Variants in IPPK observed in about 807,000 individuals in gnomAD.
The protein encoded by IPPK is inositol-pentakisphosphate 2-kinase.
IPPK carries 22 observed loss-of-function variants against 64.6 expected under a neutral mutation model. The ratio of observed to expected loss-of-function variants is 0.34; its 90% CI spans 0.24 to 0.49. IPPK has a LOEUF of 0.49. IPPK is among the 20% of genes least tolerant of loss of function. The probability of loss-of-function intolerance (pLI) is 0.99; values close to 1 mark genes in which losing one functional copy is unlikely to be tolerated. For synonymous variants in IPPK, 262 were observed against 247.2 expected, an observed-to-expected ratio of 1.06 and a Z score of -0.56; for missense variants, 532 against 630.7, an observed-to-expected ratio of 0.84 and a Z score of 1.68.
At chr9:92,629,359 C>T (rs1419973350) in intron 11 of IPPK, among the ~76,000 whole-genome samples, 1 of 151,928 alleles carries the variant, frequency 6.6e-6, no homozygotes, top group Non-Finnish European at 1.5e-5. Context: ...AAAAGGCAAC[C>T]AACAGAATAG....
intron 6 of IPPK, among the ~76,000 whole-genome samples, chr9:92,644,896 T>A (rs1310612222): frequency 6.6e-6 from 1 of 152,030 alleles, no homozygotes; most frequent in Non-Finnish European, 1.5e-5. Context: ...GTATTGCCCA[T>A]ATACAACAAA....
At chr9:92,661,146 A>T (rs1327828282) in intron 1 of IPPK, among the ~76,000 whole-genome samples, 3 of 152,214 alleles carry the variant, frequency 2.0e-5, no homozygotes, top group Non-Finnish European at 4.4e-5. Flanking sequence ...TCTCCCTCCA[A>T]GATGGGCAAC....
At chr9:92,667,995 C>T (rs778926987) in intron 1 of IPPK, among the ~76,000 whole-genome samples, 11 of 151,098 alleles carry the variant, frequency 7.3e-5, no homozygotes, top group East Asian at 2.0e-4. Context: ...ATCAACCTGG[C>T]GTGGTGGCTC....
chr9:92,668,630 A>C (rs1852653640), intron 1 of IPPK, among the ~76,000 whole-genome samples: 1 of 152,258 alleles, frequency 6.6e-6, no homozygotes, highest in South Asian at 2.1e-4. Flanking sequence ...GGATCAGCAC[A>C]GTAACCCAAC....
intron 1 of IPPK, among the ~76,000 whole-genome samples, chr9:92,662,908 C>T (rs989372240): frequency 6.6e-6 from 1 of 152,182 alleles, no homozygotes; most frequent in South Asian, 2.1e-4. Flanking sequence ...CGATCTGCAA[C>T]GTGTGCCAAG....
At chr9:92,633,212 C>G (rs989409568) in intron 11 of IPPK, among the ~76,000 whole-genome samples, 1 of 152,046 alleles carries the variant, frequency 6.6e-6, no homozygotes, top group African/African-American at 2.4e-5. Context: ...GGGGTTTGAC[C>G]ATGTTAGCCA....
chr9:92,650,432 T>C (rs540024027), intron 4 of IPPK, among the ~76,000 whole-genome samples: 26 of 152,178 alleles, frequency 1.7e-4, no homozygotes, highest in African/African-American at 6.3e-4. Flanking sequence ...GAGACTGCAG[T>C]CAGCCACACC....
chr9:92,616,309 G>A (rs947895501), intron 12 of IPPK: 5 of 433,324 alleles, frequency 1.2e-5, no homozygotes, highest in South Asian at 7.6e-5. Flanking sequence ...GTGCACCAGC[G>A]TGCAAAGCTT....
At chr9:92,648,784 C>A (rs1170957739) in intron 5 of IPPK, among the ~76,000 whole-genome samples, 1 of 152,192 alleles carries the variant, frequency 6.6e-6, no homozygotes, top group East Asian at 1.9e-4. Context: ...AAGGCCAGGG[C>A]ATGTGAGGCA....
chr9:92,639,155 C>G (rs187034762), intron 8 of IPPK, among the ~76,000 whole-genome samples: 1 of 152,174 alleles, frequency 6.6e-6, no homozygotes, highest in Non-Finnish European at 1.5e-5. Flanking sequence ...CTCAAGCAAT[C>G]CTTCCACCTC....
At chr9:92,652,514 C>G in intron 4 of IPPK, 59 bp downstream of exon 4, 1 of 755,892 alleles carries the variant, frequency 1.3e-6, no homozygotes, top group African/African-American at 1.8e-5. Flanking sequence ...TCATTTCAAA[C>G]ACTTTTCAAA....
At chr9:92,660,671 G>C (rs889330114) in intron 1 of IPPK, among the ~76,000 whole-genome samples, 3 of 152,084 alleles carry the variant, frequency 2.0e-5, no homozygotes, top group Middle Eastern at 3.2e-3. Context: ...CCAACTACAA[G>C]AACACAGGAC....
chr9:92,616,142 A>G, intron 12 of IPPK, 85 bp from the exon 13 acceptor site: 1 of 897,286 alleles, frequency 1.1e-6, no homozygotes. Flanking sequence ...TCTTCTTTCA[A>G]CTAGTATGTT....
At chr9:92,666,838 A>C (rs9969804) in intron 1 of IPPK, among the ~76,000 whole-genome samples, 102,456 of 151,774 alleles carry the variant, frequency 0.68, 36,298 homozygotes, top group African/African-American at 0.89. Context: ...CCTGGGCACA[A>C]CCTCCCACCC....
chr9:92,628,410 C>G (rs895365941), intron 11 of IPPK, among the ~76,000 whole-genome samples: 1 of 152,222 alleles, frequency 6.6e-6, no homozygotes, highest in African/African-American at 2.4e-5. Context: ...CACACTTCTC[C>G]ATTTCAAAAC....
Position 92,615,770 on chromosome 9 carries a change from A to T in IPPK, c.*62T>A. The stretch of plus-strand genomic sequence containing the variant: ...CCAAAGGTCACCCAACACAACAGAA[A>T]ATATCTCTATCATTCAGCCTTCACA... On this transcript the variant is annotated 3_prime_UTR_variant, in exon 13 of 13. Coordinates refer to ENST00000287996, the MANE Select transcript of IPPK (RefSeq NM_022755.6). 1 of 1,371,528 alleles carries T rather than the reference A, an allele frequency of 7.3e-7. No individual in the cohort carries two copies. The highest frequency in any genetic ancestry group is 1.0e-6 in the Non-Finnish European group (1 of 966,934). The allele number at this position is 1,371,528 out of a possible 1,614,324, so 85.0% of individuals were successfully genotyped here. A position where few individuals can be genotyped will look rare whatever the true frequency, so the allele number is the denominator to read the frequency against.
chr9:92,648,288 C>T (rs41266687), intron 5 of IPPK, 140 bp from the exon 6 acceptor site: 1 of 658,960 alleles, frequency 1.5e-6, no homozygotes, highest in South Asian at 1.9e-5. Flanking sequence ...TTCATTTGCA[C>T]CTCCCAGCGG....
chr9:92,668,258 A>G (rs1339865180), intron 1 of IPPK, among the ~76,000 whole-genome samples: 60 of 152,118 alleles, frequency 3.9e-4, no homozygotes, highest in Admixed American at 3.9e-3. Context: ...ACAGAGTGAG[A>G]CCCCGTTTCT....
chr9:92,666,224 C>T (rs188683447), intron 1 of IPPK, among the ~76,000 whole-genome samples: 215 of 152,122 alleles, frequency 1.4e-3, no homozygotes, highest in Non-Finnish European at 2.2e-3. Context: ...TGAGGTGGTC[C>T]GGAAGGGGCT....
Sources: gnomAD v4.1 joint callset for allele counts (sites outside exome capture counted in the v4.1 genomes callset) on GRCh38, gnomAD v4.1.1 for gene constraint, MANE v1.5 for transcripts, NCBI Gene and HGNC (gene_info 2026-07-23, HGNC 2026-07-21) for gene names.